FGD6: variants seen among roughly 807,000 people sequenced by gnomAD.
The protein encoded by FGD6 is FYVE, RhoGEF and PH domain containing 6.
A neutral mutation model predicts 149.4 loss-of-function variants in FGD6; 90 were observed. The ratio of observed to expected loss-of-function variants is 0.60; its 90% CI spans 0.51 to 0.72. The LOEUF is 0.72. Among genes scored for constraint, FGD6 ranks in the 30% least tolerant of loss-of-function variants. The pLI is 0.00. For synonymous variants in FGD6, 527 were observed against 584.0 expected, an observed-to-expected ratio of 0.90 and a Z score of 1.41; for missense variants, 1,437 against 1,684.8, an observed-to-expected ratio of 0.85 and a Z score of 2.57.
chr12:95,190,642 A>G (rs1178891006), intron 2 of FGD6, among the ~76,000 whole-genome samples: 1 of 152,204 alleles, frequency 6.6e-6, no homozygotes, highest in Non-Finnish European at 1.5e-5. Flanking sequence ...AGAGTCTAAA[A>G]TACTATATTT....
chr12:95,092,973 C>G, intron 15 of FGD6, 128 bp from the exon 16 acceptor site: 1 of 1,085,548 alleles, frequency 9.2e-7, no homozygotes, highest in African/African-American at 1.6e-5. Flanking sequence ...GTAATCCCAG[C>G]ATTTTGGGAG....
At chr12:95,104,639 G>A (rs1160385241) in intron 14 of FGD6, among the ~76,000 whole-genome samples, 1 of 152,010 alleles carries the variant, frequency 6.6e-6, no homozygotes, top group Non-Finnish European at 1.5e-5. Context: ...GTTTAATCAT[G>A]TTCATGTTAG....
chr12:95,078,317 A>G lies in FGD6; in HGVS notation c.*3203T>C, dbSNP rs765342127. The stretch of plus-strand genomic sequence containing the variant: ...CATTGACTACATTTGACTAAAGTGG[A>G]TTTCAAACTTTTCAAAAGCTGAGCA... On this transcript the variant is annotated 3_prime_UTR_variant, in exon 21 of 21. Coordinates refer to ENST00000343958, the MANE Select transcript of FGD6 (RefSeq NM_018351.4). The G allele has an allele frequency of 9.8e-5, 15 of 152,362 alleles. No homozygotes were observed. The highest frequency in any genetic ancestry group is 2.1e-4 in the Non-Finnish European group (14 of 68,044). The allele number at this position is 152,362 out of a possible 1,614,324, so 9.4% of individuals were successfully genotyped here.
At chr12:95,214,959 C>T (rs2056746771) in intron 1 of FGD6, among the ~76,000 whole-genome samples, 1 of 150,102 alleles carries the variant, frequency 6.7e-6, no homozygotes, top group Non-Finnish European at 1.5e-5. Flanking sequence ...GCCTCGCTGG[C>T]TCAAGCAATT....
At position 95,092,940 on chromosome 12, in the gene FGD6, G is replaced by A. The variant is rs541461776; in HGVS notation, c.3601-95C>T. On this transcript the variant is annotated intron_variant, in intron 15 of 20. Transcript: ENST00000343958. ...TCACACTACCAAGATGGGGATGAGG[G>A]TCAGGCACAGCAGCTCACGCCTGTA... is the stretch of plus-strand genomic sequence containing the variant. The A allele has an allele frequency of 5.3e-5, 74 of 1,388,588 alleles. No homozygotes were observed. In the East Asian group the frequency reaches 1.8e-3, roughly 33 times the overall value. The allele number at this position is 1,388,588 out of a possible 1,614,324, so 86.0% of individuals were successfully genotyped here. A position where few individuals can be genotyped will look rare whatever the true frequency, so the allele number is the denominator to read the frequency against.
chr12:95,139,919 G>A (rs914137795), intron 6 of FGD6, among the ~76,000 whole-genome samples: 4 of 152,144 alleles, frequency 2.6e-5, no homozygotes, highest in African/African-American at 7.2e-5. Flanking sequence ...TTACAGGCAT[G>A]AGCCACCGTG....
At chr12:95,140,081 G>A (rs148622846) in intron 6 of FGD6, among the ~76,000 whole-genome samples, 1 of 152,320 alleles carries the variant, frequency 6.6e-6, no homozygotes, top group African/African-American at 2.4e-5. Flanking sequence ...AAAACAAGCA[G>A]AGGTATTTTT....
In FGD6 at chr12:95,079,484, G is replaced by A. The variant is rs1877601367; in HGVS notation, c.*2036C>T. On this transcript the variant is annotated 3_prime_UTR_variant, in exon 21 of 21. Coordinates refer to ENST00000343958, the MANE Select transcript of FGD6 (RefSeq NM_018351.4). The stretch of plus-strand genomic sequence containing the variant: ...TGTAGTCAGAAGGCTGAGAGCTCAA[G>A]AGGAGGGAAAGAAAACCCAAATAAC... 6.6e-6 allele frequency: 1 copy of A among 152,206 alleles called. No individual in the cohort carries two copies. Among genetic ancestry groups the A allele is most frequent in the Non-Finnish European group, 1.5e-5 (1 of 68,054 alleles). The allele number at this position is 152,206 out of a possible 1,614,324, so 9.4% of individuals were successfully genotyped here.
intron 3 of FGD6, among the ~76,000 whole-genome samples, chr12:95,162,250 C>T (rs191990254): frequency 4.3e-4 from 65 of 151,818 alleles, no homozygotes; most frequent in Admixed American, 2.3e-3. Context: ...TGGCCAGGTG[C>T]GGTGGCTCAC....
chr12:95,137,832 G>A (rs1422587575), intron 6 of FGD6, among the ~76,000 whole-genome samples, 154 bp from the exon 7 acceptor site: 1 of 151,980 alleles, frequency 6.6e-6, no homozygotes, highest in Non-Finnish European at 1.5e-5. Context: ...CATTTCCACT[G>A]CCACCATCCC....
intron 5 of FGD6, among the ~76,000 whole-genome samples, chr12:95,149,262 ATAT>A (rs1175574316): frequency 2.5e-5 from 1 of 40,024 alleles, no homozygotes; most frequent in Non-Finnish European, 4.0e-5. Context: ...TATATATTAT[ATAT>A]TATATTACAT....
rs190733086 is a variant in FGD6 at position 95,140,763 on chromosome 12, G to A, written c.2837+625C>T. 4.1e-3 allele frequency among the ~76,000 whole-genome samples: 623 copies of A among 152,282 alleles called. 6 individuals carry two copies. The highest frequency in any genetic ancestry group is 6.0e-3 in the Non-Finnish European group (410 of 68,028). ...TAGAAACTATTCTAATGTGAATATAGCATATAGCATCTATCTACACTGAAT... is the reference window on the plus strand; with the variant it reads ...TAGAAACTATTCTAATGTGAATATAACATATAGCATCTATCTACACTGAAT... On this transcript the variant is annotated intron_variant, in intron 6 of 20. Coordinates refer to ENST00000343958, the MANE Select transcript of FGD6 (RefSeq NM_018351.4).
At chr12:95,158,595 A>G (rs948738760) in intron 3 of FGD6, among the ~76,000 whole-genome samples, 1 of 151,550 alleles carries the variant, frequency 6.6e-6, no homozygotes, top group African/African-American at 2.4e-5. Flanking sequence ...ACACACATAC[A>G]CACACACACA....
intron 14 of FGD6, among the ~76,000 whole-genome samples, chr12:95,099,563 G>A (rs1417640415): frequency 1.3e-5 from 2 of 151,994 alleles, no homozygotes; most frequent in African/African-American, 4.8e-5. Context: ...GAACTTTTCA[G>A]TTCAATGATT....
At chr12:95,115,416 T>TTTTTTAGAGG (rs1878977293) in intron 8 of FGD6, among the ~76,000 whole-genome samples, 1 of 150,250 alleles carries the variant, frequency 6.7e-6, no homozygotes, top group Non-Finnish European at 1.5e-5. Context: ...TTTTTTTTTT[T>TTTTTTAGAGG]GCAGAGGCAG....
chr12:95,217,328 GA>G lies in FGD6; in HGVS notation c.-89del. ...TTGTTCCCACAGTTCGGGTAGGAGA[GA>G]AAAGCCCCCGCAGCGCCCACATTCC... On this transcript the variant is annotated 5_prime_UTR_variant, in exon 1 of 21. An upstream open reading frame in the 5' UTR loses its in-frame stop. Coordinates refer to ENST00000343958, the MANE Select transcript of FGD6 (RefSeq NM_018351.4). The G allele has an allele frequency of 6.8e-7, 1 of 1,479,286 alleles. No homozygotes were observed. Among genetic ancestry groups the G allele is most frequent in the Non-Finnish European group, 9.1e-7 (1 of 1,104,534 alleles). 91.6% of individuals were successfully genotyped at this position (1,479,286 alleles called of 1,614,324 possible).
chr12:95,174,666 C>T (rs1328991833), intron 2 of FGD6, among the ~76,000 whole-genome samples: 2 of 152,112 alleles, frequency 1.3e-5, no homozygotes, highest in South Asian at 2.1e-4. Flanking sequence ...CGGTGGCTCA[C>T]GCCTGTAATC....
intron 14 of FGD6, chr12:95,100,461 A>G (rs373980984): frequency 3.1e-6 from 1 of 319,360 alleles, no homozygotes; most frequent in Non-Finnish European, 6.1e-6. Flanking sequence ...GACTGCCCAG[A>G]CCAGCTGGCT....
chr12:95,083,060 C>T (rs1196635244), intron 20 of FGD6, among the ~76,000 whole-genome samples: 1 of 128,870 alleles, frequency 7.8e-6, no homozygotes, highest in Non-Finnish European at 1.6e-5. Flanking sequence ...CACACACACA[C>T]ACAGAAGAGA....
Sources: allele counts gnomAD v4.1 joint callset (sites outside exome capture counted in the v4.1 genomes callset), GRCh38; gene constraint gnomAD v4.1.1; transcripts MANE v1.5; gene names NCBI Gene and HGNC (gene_info 2026-07-23, HGNC 2026-07-21).